The following COG5 variants were observed in gnomAD, a reference collection of about 807,000 sequenced individuals.
The protein encoded by COG5 is component of oligomeric golgi complex 5.
In COG5, 86 loss-of-function variants were observed where a neutral mutation model predicts 110.4. That is an observed-to-expected ratio of 0.78 (90% CI 0.65 to 0.93). The LOEUF (loss-of-function observed/expected upper bound fraction) is 0.93, where lower values mean the gene tolerates loss of function less well. Ranked by LOEUF, COG5 falls within the 40% of genes least tolerant of loss-of-function variation. COG5 has a pLI of 0.00. For missense variants in COG5, 1,077 were observed against 987.0 expected, an observed-to-expected ratio of 1.09 and a Z score of -1.22; for synonymous variants, 360 against 334.6, an observed-to-expected ratio of 1.08 and a Z score of -0.83.
At chr7:107,233,154 T>C (rs1800900643) in intron 18 of COG5, among the ~76,000 whole-genome samples, 1 of 152,206 alleles carries the variant, frequency 6.6e-6, no homozygotes, top group South Asian at 2.1e-4. Flanking sequence ...AATAATTTAA[T>C]ACCAACTTCA....
chr7:107,258,474 A>C (rs1562937312), intron 14 of COG5, 91 bp from the exon 15 acceptor site: 1 of 793,016 alleles, frequency 1.3e-6, no homozygotes, highest in East Asian at 2.4e-5. Flanking sequence ...ACACACACAC[A>C]CACACATTCT....
intron 16 of COG5, among the ~76,000 whole-genome samples, chr7:107,252,673 T>A (rs911590287): frequency 2.6e-5 from 4 of 151,902 alleles, no homozygotes; most frequent in African/African-American, 9.7e-5. Flanking sequence ...TAAATCAGTA[T>A]CCAGGAATAC....
intron 10 of COG5, among the ~76,000 whole-genome samples, chr7:107,359,279 C>G (rs545840650): frequency 9.6e-4 from 146 of 152,372 alleles, no homozygotes; most frequent in African/African-American, 3.2e-3. Flanking sequence ...AGCCCAGGTG[C>G]TGTCACATCT....
At chr7:107,275,140 G>GT (rs1804596474) in intron 14 of COG5, among the ~76,000 whole-genome samples, 3 of 152,002 alleles carry the variant, frequency 2.0e-5, no homozygotes. Context: ...ATAGTCCAAC[G>GT]TAAGAAGAGA....
intron 8 of COG5, among the ~76,000 whole-genome samples, chr7:107,368,293 GTAA>G (rs1813809895): frequency 6.6e-6 from 1 of 152,040 alleles, no homozygotes; most frequent in African/African-American, 2.4e-5. Context: ...TTGAATGAAA[GTAA>G]AATACTTTTT....
intron 16 of COG5, among the ~76,000 whole-genome samples, chr7:107,250,691 G>C (rs1802435563): frequency 6.6e-6 from 1 of 151,734 alleles, no homozygotes; most frequent in South Asian, 2.1e-4. Context: ...GAATGAAAAT[G>C]TAAAAAAAAA....
intron 10 of COG5, among the ~76,000 whole-genome samples, chr7:107,334,280 A>G (rs1810515658): frequency 6.8e-6 from 1 of 146,468 alleles, no homozygotes; most frequent in South Asian, 2.2e-4. Flanking sequence ...ACATTATGTT[A>G]AGTAAGATAA....
chr7:107,234,955 T>C (rs2237664), intron 18 of COG5, among the ~76,000 whole-genome samples: 22,255 of 152,068 alleles, frequency 0.15, 2,531 homozygotes, highest in African/African-American at 0.32. Flanking sequence ...GTTCATAAAA[T>C]GTAAAAGGTA....
At chr7:107,217,839 C>A (rs1226922809) in intron 19 of COG5, among the ~76,000 whole-genome samples, 1 of 152,030 alleles carries the variant, frequency 6.6e-6, no homozygotes, top group African/African-American at 2.4e-5. Flanking sequence ...CACTTTTATT[C>A]ATAATCCTAC....
chr7:107,341,389 T>C (rs2129036207), intron 10 of COG5, among the ~76,000 whole-genome samples: 1 of 152,190 alleles, frequency 6.6e-6, no homozygotes, highest in South Asian at 2.1e-4. Context: ...CACAAACAAA[T>C]GGAAAAACTT....
intron 7 of COG5, among the ~76,000 whole-genome samples, chr7:107,374,453 T>G (rs1456257102): frequency 6.6e-6 from 1 of 152,096 alleles, no homozygotes; most frequent in Non-Finnish European, 1.5e-5. Flanking sequence ...CTGAAAAGCA[T>G]AGCTTCTCCA....
At chr7:107,510,528 C>A (rs2129143583) in intron 6 of COG5, among the ~76,000 whole-genome samples, 1 of 152,332 alleles carries the variant, frequency 6.6e-6, no homozygotes, top group Non-Finnish European at 1.5e-5. Flanking sequence ...GAATTGAACT[C>A]AGCTCTGCAC....
chr7:107,533,690 T>C (rs772169746), intron 5 of COG5, among the ~76,000 whole-genome samples: 77 of 151,730 alleles, frequency 5.1e-4, no homozygotes, highest in Non-Finnish European at 2.8e-4. Context: ...CTACATTTGA[T>C]TGCTGTACCC....
chr7:107,539,334 A>G (rs142069502), intron 5 of COG5, among the ~76,000 whole-genome samples: 1 of 152,340 alleles, frequency 6.6e-6, no homozygotes, highest in East Asian at 1.9e-4. Flanking sequence ...TCTTTTACTT[A>G]AAGTTGCAGT....
At chr7:107,378,547 A>T (rs2129052199) in intron 7 of COG5, among the ~76,000 whole-genome samples, 1 of 152,338 alleles carries the variant, frequency 6.6e-6, no homozygotes, top group African/African-American at 2.4e-5. Context: ...AAAAATCGCT[A>T]ACTAGAATAA....
At chr7:107,209,797 G>A (rs951267714) in intron 21 of COG5, 1 of 982,700 alleles carries the variant, frequency 1.0e-6, no homozygotes, top group East Asian at 1.1e-4. Flanking sequence ...ATAAAAATGT[G>A]CTGAGTCCCA....
chr7:107,433,729 A>T (rs1485783158), intron 6 of COG5, among the ~76,000 whole-genome samples: 3 of 152,216 alleles, frequency 2.0e-5, no homozygotes, highest in Admixed American at 2.0e-4. Context: ...TCTTAGAAGA[A>T]GCATAAAGGA....
chr7:107,509,867 C>A (rs556381465), intron 6 of COG5, among the ~76,000 whole-genome samples: 232 of 152,150 alleles, frequency 1.5e-3, no homozygotes, highest in Middle Eastern at 6.8e-3. Context: ...TTTGTCACCA[C>A]CAGGCCTGCC....
intron 14 of COG5, among the ~76,000 whole-genome samples, chr7:107,261,896 T>C (rs529577626): frequency 7.4e-6 from 1 of 134,700 alleles, no homozygotes; most frequent in Non-Finnish European, 1.6e-5. Context: ...TTCTCTTTGA[T>C]TTTTTTTTTT....
Sources: gnomAD v4.1 joint callset for allele counts (sites outside exome capture counted in the v4.1 genomes callset) on GRCh38, gnomAD v4.1.1 for gene constraint, MANE v1.5 for transcripts, NCBI Gene and HGNC (gene_info 2026-07-23, HGNC 2026-07-21) for gene names.